SRRM2: variants seen among roughly 807,000 people sequenced by gnomAD.
The protein encoded by SRRM2 is serine/arginine repetitive matrix protein 2.
SRRM2 carries 30 observed loss-of-function variants against 213.8 expected under a neutral mutation model. The ratio of observed to expected loss-of-function variants is 0.14; its 90% CI spans 0.10 to 0.19. The LOEUF (loss-of-function observed/expected upper bound fraction) is 0.19. SRRM2 is among the 10% of genes least tolerant of loss of function. SRRM2 has a pLI of 1.00. For synonymous variants in SRRM2, 2,025 were observed against 1,377.7 expected, an observed-to-expected ratio of 1.47 and a Z score of -10.40; for missense variants, 4,904 against 3,647.0, an observed-to-expected ratio of 1.34 and a Z score of -8.88.
chr16:2,752,800 C>G lies in SRRM2; in HGVS notation c.-78C>G. ...AGGGACTCGGGAGCTCGAGCAGCGGCGGCGGCAAGACCTCTCCCCCTCGGA... is the reference window on the plus strand; with the variant it reads ...AGGGACTCGGGAGCTCGAGCAGCGGGGGCGGCAAGACCTCTCCCCCTCGGA... On this transcript the variant is annotated 5_prime_UTR_variant, in exon 1 of 15. Transcript: ENST00000301740. The G allele has an allele frequency of 2.9e-6, 1 of 341,964 alleles. No homozygotes were observed. Among genetic ancestry groups the G allele is most frequent in the Non-Finnish European group, 5.9e-6 (1 of 168,750 alleles). 21.2% of individuals were successfully genotyped at this position (341,964 alleles called of 1,614,324 possible).
rs746632079 is a variant in SRRM2, at chr16:2,768,124, T to TTCC, written c.7602_7604dup (p.Ser2556dup). The TTCC allele has an allele frequency of 1.2e-4, 189 of 1,613,996 alleles. 6 individuals carry two copies. The South Asian group carries it at 1.9e-3, about 16-fold the overall frequency. ...TGCAGCCAGCAAAGGAGCGGCGGAG[T>TTCC]TCCTCCTCGTCGTCGTCGTCCTCTA... On this transcript the variant is annotated inframe_insertion, in exon 11 of 15. Transcript: ENST00000301740.
chr16:2,769,682 G>A (rs745391479), intron 12 of SRRM2: 2 of 505,266 alleles, frequency 4.0e-6, no homozygotes, highest in Non-Finnish European at 7.7e-6. Flanking sequence ...TAGCCAGAGG[G>A]ACCTTTCTAA....
chr16:2,764,711 G>A lies in SRRM2; in HGVS notation c.4183G>A (p.Gly1395Arg), dbSNP rs1203754098. ...ELSPDAVEKA[G>R]MSSNQSISSP... The stretch of plus-strand genomic sequence containing the variant: ...ATCCCCAGATGCAGTGGAAAAGGCA[G>A]GGATGTCTTCAAATCAGAGCATCTC... Residue 1395 changes from glycine (G) to arginine (R), a missense_variant, in exon 11 of 15, where the codon GGG (glycine) becomes AGG (arginine). Transcript: ENST00000301740. The A allele has an allele frequency of 2.5e-6, 4 of 1,614,112 alleles. No individual in the cohort carries two copies. Among genetic ancestry groups the A allele is most frequent in the East Asian group, 4.5e-5 (2 of 44,890 alleles).
In SRRM2 at chr16:2,761,708, C is replaced by T. The variant is rs775228311; in HGVS notation, c.1180C>T (p.Pro394Ser). ...TPLSQEPVNP[P>S]SEASPTRDRS... ...CTTAAGCCAGGAGCCAGTGAACCCCCCATCTGAGGCCTCTCCAACTCGGGA... is the reference window on the plus strand; with the variant it reads ...CTTAAGCCAGGAGCCAGTGAACCCCTCATCTGAGGCCTCTCCAACTCGGGA... The change falls in exon 11 of 15, where the codon CCA becomes TCA. Residue 394 changes from proline to serine, a missense_variant. Coordinates refer to ENST00000301740, the MANE Select transcript of SRRM2 (RefSeq NM_016333.4). 1.2e-6 allele frequency: 2 copies of T among 1,605,886 alleles called. No individual in the cohort carries two copies. Among genetic ancestry groups the T allele is most frequent in the South Asian group, 1.1e-5 (1 of 89,876 alleles).
At chr16:2,770,008 C>T (rs531492628) in intron 12 of SRRM2, 166 of 590,648 alleles carry the variant, frequency 2.8e-4, no homozygotes, top group Non-Finnish European at 4.3e-4. Context: ...TGCCCTGCCC[C>T]TTCCCTGCCT....
chr16:2,762,326 A>C lies in SRRM2; in HGVS notation c.1798A>C (p.Thr600Pro), dbSNP rs532418678. The change falls in exon 11 of 15, where the codon ACC (threonine) becomes CCC (proline). Residue 600 changes from threonine to proline, a missense_variant. Transcript: ENST00000301740. ...GCGGAGATCACGATCCAGAACTCCC[A>C]CCAGGCGTAGGTCTCGGTCTAGAAC... The part of the protein sequence containing the change: ...ARRRSRSRTP[T>P]RRRSRSRTPA... 1 of 1,614,030 alleles carries C rather than the reference A, an allele frequency of 6.2e-7. No homozygotes were observed. Among genetic ancestry groups the C allele is most frequent in the South Asian group, 1.1e-5 (1 of 91,062 alleles).
At chr16:2,757,044 G>A (rs574010180) in intron 2 of SRRM2, among the ~76,000 whole-genome samples, 19 of 152,166 alleles carry the variant, frequency 1.2e-4, no homozygotes, top group African/African-American at 4.6e-4. Context: ...GAAGAAGTGG[G>A]AATCATGGGC....
rs2068551299 is a variant in SRRM2, at chr16:2,766,565, G to C, written c.6037G>C (p.Val2013Leu). 3.1e-6 allele frequency: 5 copies of C among 1,613,230 alleles called. No homozygotes were observed. Among genetic ancestry groups the C allele is most frequent in the Non-Finnish European group, 3.4e-6 (4 of 1,179,790 alleles). ...AAGGTCCCGCTCTCGAACCTCACCA[G>C]TGACACGCCGCCGCTCTAGGTCCCG... is the stretch of plus-strand genomic sequence containing the variant. ...RRRSRSRTSP[V>L]TRRRSRSRTP... is the part of the protein sequence containing the mutation. Residue 2013 changes from valine to leucine, a missense_variant, in exon 11 of 15, where the codon GTG (valine) becomes CTG (leucine). Val to Leu is a conservative substitution (Grantham distance 32). Coordinates refer to ENST00000301740, the MANE Select transcript of SRRM2 (RefSeq NM_016333.4). This position sits in a 1 kb window ranked among gnomAD's most constrained non-coding sequence, Gnocchi z 7.0.
Position 2,767,792 on chromosome 16 carries a change from G to C in SRRM2, c.7264G>C (p.Glu2422Gln). ...SAPSQSRMTS[E>Q]RAPSPSSRMG... is the part of the protein sequence containing the mutation. ...CCCAAGCCAATCTAGGATGACCTCT[G>C]AACGGGCTCCCTCCCCTTCCTCTAG... Residue 2422 changes from glutamate (E) to glutamine (Q), a missense_variant, in exon 11 of 15, where the codon GAA becomes CAA. By Grantham distance (29) the Glu-to-Gln change is conservative (BLOSUM62 2). Transcript: ENST00000301740. 6.2e-7 allele frequency: 1 copy of C among 1,613,960 alleles called. No homozygotes were observed. The highest frequency in any genetic ancestry group is 8.5e-7 in the Non-Finnish European group (1 of 1,179,978).
intron 1 of SRRM2, 150 bp downstream of exon 1, chr16:2,752,996 C>G (rs999708279): frequency 6.5e-6 from 1 of 153,284 alleles, no homozygotes; most frequent in African/African-American, 2.4e-5. Flanking sequence ...GCCCTCGCCT[C>G]CCTTCCCCCT....
rs2068743542 is a variant in SRRM2 at position 2,771,408 on chromosome 16, A to G, written c.*541A>G. On this transcript the variant is annotated 3_prime_UTR_variant, in exon 15 of 15. Transcript: ENST00000301740. ...TCTGTCAAATAAAAATGAGAAATGC[A>G]GGAACTGGGTCTGTAGACTGTTTAT... 8 of 1,611,324 alleles carry G rather than the reference A, an allele frequency of 5.0e-6. No individual in the cohort carries two copies. Among genetic ancestry groups the G allele is most frequent in the Non-Finnish European group, 5.9e-6 (7 of 1,177,694 alleles).
At position 2,758,529 on chromosome 16, in the gene SRRM2, A is replaced by G; in HGVS notation, c.575A>G (p.Lys192Arg). 6.2e-7 allele frequency: 1 copy of G among 1,614,152 alleles called. No individual in the cohort carries two copies. Among genetic ancestry groups the G allele is most frequent in the Non-Finnish European group, 8.5e-7 (1 of 1,180,020 alleles). The change falls in exon 5 of 15, where the codon AAG becomes AGG. Residue 192 changes from lysine (K) to arginine (R), a missense_variant. Transcript: ENST00000301740. ...SPTPKQKKKK[K>R]KKDRGRRSES... ...ACCCCAAAGCAGAAGAAGAAGAAAA[A>G]GAAGAAAGATAGAGGACGGTAAGTT...
chr16:2,762,246 C>G lies in SRRM2; in HGVS notation c.1718C>G (p.Ser573Cys), dbSNP rs200645790. The G allele has an allele frequency of 1.2e-6, 2 of 1,614,150 alleles. No homozygotes were observed. The highest frequency in any genetic ancestry group is 1.7e-6 in the Non-Finnish European group (2 of 1,180,000). The change falls in exon 11 of 15, where the codon TCT (serine) becomes TGT (cysteine). Residue 573 changes from serine to cysteine, a missense_variant. Ser to Cys is a moderately radical substitution (Grantham distance 112). Coordinates refer to ENST00000301740, the MANE Select transcript of SRRM2 (RefSeq NM_016333.4). Reference sequence around the variant, plus strand: ...AGATCCCCAGCCACTAGGGGTAGATCTCGTTCTAGAACACCAGCCCGCCGG... The same window carrying G: ...AGATCCCCAGCCACTAGGGGTAGATGTCGTTCTAGAACACCAGCCCGCCGG... ...HSRSPATRGR[S>C]RSRTPARRGR...
rs79910471 is a variant in SRRM2 at position 2,762,481 on chromosome 16, C to G, written c.1953C>G (p.Thr651=). 2 of 1,613,672 alleles carry G rather than the reference C, an allele frequency of 1.2e-6. No homozygotes were observed. Among genetic ancestry groups the G allele is most frequent in the East Asian group, 2.2e-5 (1 of 44,882 alleles). ...GAAGTGGCAGGTCACGCTCTAGAAC[C>G]CCAGCTAGACGTGGCCGCTCACGCT... is the stretch of plus-strand genomic sequence containing the variant. ...ARRSGRSRSR[T]PARRGRSRSR... The change falls in exon 11 of 15, where the codon ACC becomes ACG. Residue 651 remains threonine (T), a synonymous_variant. Coordinates refer to ENST00000301740, the MANE Select transcript of SRRM2 (RefSeq NM_016333.4).
rs767668768 is a variant in SRRM2 at position 2,765,105 on chromosome 16, A to G, written c.4577A>G (p.Lys1526Arg). Residue 1526 changes from lysine to arginine, a missense_variant, in exon 11 of 15, where the codon AAA becomes AGA. By Grantham distance (26) the Lys-to-Arg change is conservative. Coordinates refer to ENST00000301740, the MANE Select transcript of SRRM2 (RefSeq NM_016333.4). ...GGGTCAGAATCATCAGTTGATCAGA[A>G]AACTGTGGCTCGGACTCCCCTGGGG... is the stretch of plus-strand genomic sequence containing the variant. ...RSGSESSVDQKTVARTPLGQR... is the reference protein window; with the variant it reads ...RSGSESSVDQRTVARTPLGQR... 3 of 1,614,178 alleles carry G rather than the reference A, an allele frequency of 1.9e-6. No homozygotes were observed. The highest frequency in any genetic ancestry group is 1.1e-5 in the South Asian group (1 of 91,070).
chr16:2,764,107 G>A lies in SRRM2; in HGVS notation c.3579G>A (p.Gln1193=), dbSNP rs1305052309. Residue 1193 remains glutamine (Q), a synonymous_variant, in exon 11 of 15, where the codon CAG becomes CAA. Coordinates refer to ENST00000301740, the MANE Select transcript of SRRM2 (RefSeq NM_016333.4). Reference sequence around the variant, plus strand: ...ACAAATTTAGTCCCTTTCCAGTACAGGATAGGCCTGAGTCTTCACTGGTAT... The same window carrying A: ...ACAAATTTAGTCCCTTTCCAGTACAAGATAGGCCTGAGTCTTCACTGGTAT... ...QKDKFSPFPV[Q]DRPESSLVFK... 3 of 1,614,172 alleles carry A rather than the reference G, an allele frequency of 1.9e-6. No individual in the cohort carries two copies. The highest frequency in any genetic ancestry group is 1.7e-5 in the Admixed American group (1 of 60,032).
At position 2,770,306 on chromosome 16, in the gene SRRM2, G is replaced by A. The variant is rs1010095301; in HGVS notation, c.8022-46G>A. 7 of 1,521,966 alleles carry A rather than the reference G, an allele frequency of 4.6e-6. No individual in the cohort carries two copies. The Admixed American group carries it at 6.2e-5, about 13-fold the overall frequency. The allele number at this position is 1,521,966 out of a possible 1,614,324, so 94.3% of individuals were successfully genotyped here. On this transcript the variant is annotated intron_variant, in intron 12 of 14. Coordinates refer to ENST00000301740, the MANE Select transcript of SRRM2 (RefSeq NM_016333.4). ...CGGGTGGTCCTGAGTGCTGGCCCGT[G>A]TGCTTGAAAGGGTGTGGTGCTATTG...
At position 2,767,983 on chromosome 16, in the gene SRRM2, C is replaced by T. The variant is rs1361189075; in HGVS notation, c.7455C>T (p.Ser2485=). The change falls in exon 11 of 15, where the codon TCC becomes TCT. Residue 2485 remains serine (S), a synonymous_variant. Transcript: ENST00000301740. ...LSSGAVATTT[S]SAGDHNGMLS... ...CTGGGGCAGTGGCAACGACCACGTC[C>T]TCTGCTGGTGATCACAATGGCATGC... 1.9e-6 allele frequency: 3 copies of T among 1,614,164 alleles called. No homozygotes were observed. The highest frequency in any genetic ancestry group is 1.3e-5 in the African/African-American group (1 of 75,026).
chr16:2,753,664 T>G (rs1387148361), intron 1 of SRRM2: 1 of 152,234 alleles, frequency 6.6e-6, no homozygotes, highest in East Asian at 1.9e-4. Flanking sequence ...CAGGCGTTCT[T>G]TGGCACACAG....
Sources: gnomAD v4.1 joint callset for allele counts (sites outside exome capture counted in the v4.1 genomes callset) on GRCh38, gnomAD v4.1.1 for gene constraint, Gnocchi (gnomAD v3.1) non-coding constraint, MANE v1.5 for transcripts, NCBI Gene and HGNC (gene_info 2026-07-23, HGNC 2026-07-21) for gene names.